ACKR3: variants seen among roughly 807,000 people sequenced by gnomAD.
The protein encoded by ACKR3 is atypical chemokine receptor 3, also known as C-X-C chemokine receptor type 7.
In ACKR3, 6 loss-of-function variants were observed where a neutral mutation model predicts 22.4. The ratio of observed to expected loss-of-function variants is 0.27; its 90% confidence interval spans 0.15 to 0.53. ACKR3 has a LOEUF of 0.53. Ranked by LOEUF, ACKR3 falls within the 20% of genes least tolerant of loss-of-function variation. The pLI is 0.96. For missense variants in ACKR3, 396 were observed against 475.2 expected, an observed-to-expected ratio of 0.83 and a Z score of 1.55; for synonymous variants, 209 against 205.2, an observed-to-expected ratio of 1.02 and a Z score of -0.16.
At chr2:236,576,263 A>G (rs1172975242) in intron 1 of ACKR3, among the ~76,000 whole-genome samples, 7 of 152,086 alleles carry the variant, frequency 4.6e-5, no homozygotes, top group African/African-American at 1.7e-4. Flanking sequence ...GCGTAAACAG[A>G]CCCCGCACAG....
the ACKR3 span, among the ~76,000 whole-genome samples, chr2:236,546,257 G>C: frequency 6.6e-6 from 1 of 152,110 alleles, no homozygotes; most frequent in Non-Finnish European, 1.5e-5. The surrounding 1 kb of genome is among the most constrained non-coding windows in gnomAD (Gnocchi z 4.9). Flanking sequence ...GTGCCCCTGG[G>C]GGAAAAGGAC....
chr2:236,569,573 C>T (rs1272960882), upstream of ACKR3: 1 of 152,252 alleles, frequency 6.6e-6, no homozygotes, highest in Admixed American at 6.5e-5. Flanking sequence ...GTTTTCCCCC[C>T]GTGGGGTTTG....
At chr2:236,573,212 CAAT>C (rs778613270) in intron 1 of ACKR3, among the ~76,000 whole-genome samples, 12 of 151,146 alleles carry the variant, frequency 7.9e-5, no homozygotes, top group African/African-American at 2.0e-4. Context: ...ACACCCCACT[CAAT>C]GATGCGCAGT....
At chr2:236,565,973 C>T (rs929721923), upstream of ACKR3, among the ~76,000 whole-genome samples, 4 of 152,198 alleles carry the variant, frequency 2.6e-5, no homozygotes, top group Admixed American at 2.0e-4. Flanking sequence ...TGAGGAACGC[C>T]TCGTCCTCAG....
the ACKR3 span, among the ~76,000 whole-genome samples, chr2:236,547,093 C>T: frequency 6.6e-6 from 1 of 152,182 alleles, no homozygotes. Flanking sequence ...CATCCATCAC[C>T]CCTGTCCATA....
upstream of ACKR3, among the ~76,000 whole-genome samples, chr2:236,568,543 CGCTCGGGCT>C (rs1691237849): frequency 6.6e-6 from 1 of 152,192 alleles, no homozygotes; most frequent in Non-Finnish European, 1.5e-5. Flanking sequence ...CGGGACGCTG[CGCTCGGGCT>C]GGGAAAGGCC....
the ACKR3 span, among the ~76,000 whole-genome samples, chr2:236,557,256 ATGTGTGTGTGTG>A: frequency 1.2e-4 from 16 of 138,512 alleles, no homozygotes; most frequent in Admixed American, 2.8e-4. Context: ...ATGTGAACGT[ATGTGTGTGTGTG>A]TGTGTGTGTG....
At chr2:236,573,760 T>TC (rs1413130569) in intron 1 of ACKR3, among the ~76,000 whole-genome samples, 3 of 152,196 alleles carry the variant, frequency 2.0e-5, no homozygotes, top group African/African-American at 7.2e-5. Flanking sequence ...GTGGGGTTCG[T>TC]ATCACTTCCA....
chr2:236,570,220 A>G (rs1317049744), intron 1 of ACKR3, among the ~76,000 whole-genome samples: 1 of 152,220 alleles, frequency 6.6e-6, no homozygotes, highest in Non-Finnish European at 1.5e-5. Context: ...CTGTGTGGCT[A>G]TTTAAGCTCC....
chr2:236,554,991 C>T, the ACKR3 span, among the ~76,000 whole-genome samples: 2 of 152,144 alleles, frequency 1.3e-5, no homozygotes, highest in East Asian at 1.9e-4. Context: ...TCCTATATTC[C>T]GTCCCCCGTC....
the ACKR3 span, among the ~76,000 whole-genome samples, chr2:236,543,582 C>T: frequency 4.6e-5 from 7 of 152,160 alleles, no homozygotes; most frequent in East Asian, 9.7e-4. Flanking sequence ...AAATGTATAC[C>T]ATGGGTAAAG....
At chr2:236,571,433 G>A (rs1315469238) in intron 1 of ACKR3, among the ~76,000 whole-genome samples, 2 of 152,106 alleles carry the variant, frequency 1.3e-5, no homozygotes, top group Admixed American at 6.5e-5. Flanking sequence ...CTTTTAAGGG[G>A]CAGACATTGC....
chr2:236,553,395 AG>A, the ACKR3 span, among the ~76,000 whole-genome samples: 1 of 152,242 alleles, frequency 6.6e-6, no homozygotes, highest in African/African-American at 2.4e-5. Context: ...CAGTCCCTTA[AG>A]GGGAACTCTT....
upstream of ACKR3, among the ~76,000 whole-genome samples, chr2:236,569,446 G>A (rs944592668): frequency 6.6e-6 from 1 of 152,240 alleles, no homozygotes; most frequent in Non-Finnish European, 1.5e-5. Context: ...AGAGCGAAGA[G>A]GCATTCACAG....
the ACKR3 span, among the ~76,000 whole-genome samples, chr2:236,540,173 C>G: frequency 6.6e-6 from 1 of 152,304 alleles, no homozygotes; most frequent in Admixed American, 6.5e-5. Flanking sequence ...CCACTTGTTC[C>G]TCATTCTTGC....
At chr2:236,562,576 G>A in the ACKR3 span, among the ~76,000 whole-genome samples, 1 of 152,064 alleles carries the variant, frequency 6.6e-6, no homozygotes, top group African/African-American at 2.4e-5. Context: ...AGTGAATACT[G>A]CCAAAGTGGA....
chr2:236,554,656 C>G, the ACKR3 span, among the ~76,000 whole-genome samples: 2 of 152,130 alleles, frequency 1.3e-5, no homozygotes, highest in Non-Finnish European at 2.9e-5. Context: ...AGGCACCCAG[C>G]GCAAACAGCA....
the ACKR3 span, among the ~76,000 whole-genome samples, chr2:236,543,169 A>G: frequency 6.6e-6 from 1 of 152,192 alleles, no homozygotes; most frequent in African/African-American, 2.4e-5. Context: ...GCAGACAAGG[A>G]AAATGAGGTT....
chr2:236,566,687 T>C (rs1691185545), upstream of ACKR3, among the ~76,000 whole-genome samples: 1 of 147,848 alleles, frequency 6.8e-6, no homozygotes, highest in Non-Finnish European at 1.5e-5. Context: ...AACTGCTTGC[T>C]CGGGTCTGTC....
Sources: gnomAD v4.1 joint callset for allele counts (sites outside exome capture counted in the v4.1 genomes callset) on GRCh38, gnomAD v4.1.1 for gene constraint, Gnocchi (gnomAD v3.1) non-coding constraint, MANE v1.5 for transcripts, NCBI Gene and HGNC (gene_info 2026-07-23, HGNC 2026-07-21) for gene names.